Variants in ATOSA observed in about 807,000 individuals in gnomAD.
ATOSA encodes atos homolog protein A.
At chr15:52,615,766 A>G in the ATOSA span, among the ~76,000 whole-genome samples, 1 of 152,200 alleles carries the variant, frequency 6.6e-6, no homozygotes, top group Non-Finnish European at 1.5e-5. Context: ...TAAAGTGACC[A>G]TTTGGAACAT....
chr15:52,612,503 C>CTTT, the ATOSA span, among the ~76,000 whole-genome samples: 4 of 112,776 alleles, frequency 3.5e-5, no homozygotes, highest in East Asian at 5.7e-4. Context: ...TAAACAAGAT[C>CTTT]TTTTTTTTTT....
the ATOSA span, among the ~76,000 whole-genome samples, chr15:52,677,680 T>A: frequency 6.6e-6 from 1 of 152,194 alleles, no homozygotes; most frequent in African/African-American, 2.4e-5. Context: ...TGAAGTTAGA[T>A]TGACTACCTA....
the ATOSA span, among the ~76,000 whole-genome samples, chr15:52,635,359 T>C: frequency 6.6e-6 from 1 of 152,318 alleles, no homozygotes; most frequent in East Asian, 1.9e-4. Context: ...TTTACCATGA[T>C]AGATCATATT....
the ATOSA span, among the ~76,000 whole-genome samples, chr15:52,589,294 A>G: frequency 3.9e-5 from 6 of 152,210 alleles, no homozygotes; most frequent in Non-Finnish European, 8.8e-5. Flanking sequence ...CATGAAAAAG[A>G]TATGGTATAT....
chr15:52,606,060 T>G, the ATOSA span, among the ~76,000 whole-genome samples: 1 of 152,064 alleles, frequency 6.6e-6, no homozygotes. Flanking sequence ...ACCTATTTTG[T>G]GACCTGGTTG....
the ATOSA span, among the ~76,000 whole-genome samples, chr15:52,643,123 T>C: frequency 1.3e-3 from 199 of 152,230 alleles, no homozygotes; most frequent in African/African-American, 4.6e-3. Context: ...ACTCCCCTCA[T>C]AGCAGGCCTT....
At chr15:52,610,216 A>C in the ATOSA span, 6 of 1,614,016 alleles carry the variant, frequency 3.7e-6, no homozygotes, top group East Asian at 1.3e-4. Flanking sequence ...ATAAAGGCCA[A>C]TATTAGTGTG....
the ATOSA span, chr15:52,585,020 TCAAA>T: frequency 7.9e-6 from 10 of 1,267,238 alleles, no homozygotes; most frequent in Admixed American, 2.4e-4. Flanking sequence ...GTGCCAATAA[TCAAA>T]CAAGATTTTA....
chr15:52,612,997 CA>C, the ATOSA span, among the ~76,000 whole-genome samples: 1 of 151,556 alleles, frequency 6.6e-6, no homozygotes, highest in Non-Finnish European at 1.5e-5. Flanking sequence ...TTGGTTAATG[CA>C]GGGAAAATAA....
the ATOSA span, among the ~76,000 whole-genome samples, chr15:52,647,270 C>G: frequency 6.6e-6 from 1 of 151,684 alleles, no homozygotes; most frequent in Non-Finnish European, 1.5e-5. Flanking sequence ...AAAATTTTAC[C>G]CTTGATCAAA....
chr15:52,603,632 G>A, the ATOSA span, among the ~76,000 whole-genome samples: 4 of 152,076 alleles, frequency 2.6e-5, no homozygotes, highest in East Asian at 7.7e-4. Flanking sequence ...ATACACAATG[G>A]AATATTATTC....
At chr15:52,695,990 T>C in the ATOSA span, among the ~76,000 whole-genome samples, 4 of 152,002 alleles carry the variant, frequency 2.6e-5, no homozygotes, top group Non-Finnish European at 5.9e-5. Context: ...GGAGAGGGGA[T>C]AGAGGCCTAG....
chr15:52,600,281 T>A, the ATOSA span: 2 of 465,000 alleles, frequency 4.3e-6, no homozygotes, highest in Non-Finnish European at 5.8e-6. Context: ...GCCACAATAC[T>A]TTTTTTTTTA....
At chr15:52,598,018 G>A in the ATOSA span, among the ~76,000 whole-genome samples, 1 of 152,086 alleles carries the variant, frequency 6.6e-6, no homozygotes, top group Admixed American at 6.6e-5. Context: ...CAGTTACTTG[G>A]GAGGCTGAGG....
chr15:52,612,280 C>T, the ATOSA span, among the ~76,000 whole-genome samples: 1 of 152,064 alleles, frequency 6.6e-6, no homozygotes, highest in East Asian at 1.9e-4. Context: ...CCACAGTGCC[C>T]CTGCTGTATT....
chr15:52,639,917 A>C, the ATOSA span, among the ~76,000 whole-genome samples: 1 of 143,474 alleles, frequency 7.0e-6, no homozygotes, highest in African/African-American at 2.5e-5. Context: ...TACCCAGCTA[A>C]TTTTTTTTTT....
the ATOSA span, among the ~76,000 whole-genome samples, chr15:52,691,909 A>G: frequency 6.6e-6 from 1 of 152,148 alleles, no homozygotes; most frequent in South Asian, 2.1e-4. Flanking sequence ...CCAAAAAGAG[A>G]TACCAGGCCC....
the ATOSA span, chr15:52,582,250 G>A: frequency 5.0e-6 from 8 of 1,602,602 alleles, no homozygotes; most frequent in Non-Finnish European, 6.0e-6. Context: ...ACTTTCTAGA[G>A]AACAGGAGCC....
the ATOSA span, among the ~76,000 whole-genome samples, chr15:52,654,885 TA>T: frequency 6.6e-6 from 1 of 151,938 alleles, no homozygotes; most frequent in Non-Finnish European, 1.5e-5. Context: ...CCCTCAAAGG[TA>T]ATGTTCAAAT....
Sources: allele counts gnomAD v4.1 joint callset (sites outside exome capture counted in the v4.1 genomes callset), GRCh38; gene constraint gnomAD v4.1.1; transcripts MANE v1.5; gene names NCBI Gene and HGNC (gene_info 2026-07-23, HGNC 2026-07-21).